The following FANCL variants were observed in gnomAD, a reference collection of about 807,000 sequenced individuals.
The protein encoded by FANCL is E3 ubiquitin-protein ligase FANCL.
A neutral mutation model predicts 59.4 loss-of-function variants in FANCL; 69 were observed. The observed-to-expected ratio is 1.16, with a 90% confidence interval of 0.96 to 1.42. The LOEUF (loss-of-function observed/expected upper bound fraction) is 1.42. Among genes scored for constraint, FANCL ranks in the 40% most tolerant of loss-of-function variants. FANCL has a pLI of 0.00. For synonymous variants in FANCL, 180 were observed against 147.1 expected (o/e 1.22, Z -1.62); for missense variants, 519 against 447.2 (o/e 1.16, Z -1.45).
intron 1 of FANCL, among the ~76,000 whole-genome samples, chr2:58,238,819 T>A (rs893236815): frequency 3.9e-5 from 6 of 152,164 alleles, no homozygotes; most frequent in African/African-American, 1.4e-4. Context: ...ATATAGCTTC[T>A]AAAAATGGTG....
At chr2:58,179,637 A>C (rs151009591) in intron 7 of FANCL, among the ~76,000 whole-genome samples, 2,179 of 152,344 alleles carry the variant, frequency 0.014, 22 homozygotes, top group Non-Finnish European at 0.021. Context: ...AAACCCTAGA[A>C]GAAAACCTAG....
chr2:58,214,771 C>G lies in FANCL; in HGVS notation c.374+7171G>C, dbSNP rs780185177. 3.3e-5 allele frequency among the ~76,000 whole-genome samples: 5 copies of G among 152,226 alleles called. 1 individual carries two copies. Among genetic ancestry groups the G allele is most frequent in the African/African-American group, 1.2e-4 (5 of 41,548 alleles). On this transcript the variant is annotated intron_variant, in intron 5 of 13. Transcript: ENST00000233741. ...AAGTGATCTGCCCCACCTCAGCCCC[C>G]CAAAGTACTGGGATTACAGGTGTGA...
At chr2:58,223,959 A>C (rs770485181) in intron 4 of FANCL, among the ~76,000 whole-genome samples, 1 of 151,934 alleles carries the variant, frequency 6.6e-6, no homozygotes. Context: ...AATAATTCTT[A>C]TATCTTTAGG....
At chr2:58,187,824 CTTTA>C (rs1174309440) in intron 7 of FANCL, among the ~76,000 whole-genome samples, 2 of 152,024 alleles carry the variant, frequency 1.3e-5, no homozygotes, top group African/African-American at 4.8e-5. Flanking sequence ...TTTGAGAGTT[CTTTA>C]TATATTTTAA....
intron 4 of FANCL, among the ~76,000 whole-genome samples, chr2:58,225,697 C>T (rs1186267405): frequency 2.0e-5 from 3 of 151,886 alleles, no homozygotes; most frequent in Admixed American, 2.0e-4. Flanking sequence ...GATCTAACTG[C>T]CAGATTACAA....
intron 11 of FANCL, 110 bp downstream of exon 11, chr2:58,162,756 A>G (rs185440106): frequency 4.0e-5 from 38 of 947,424 alleles, no homozygotes; most frequent in Non-Finnish European, 5.9e-5. Context: ...AGTCTGTGTT[A>G]TAATATTTTT....
At chr2:58,170,858 A>C (rs574560056) in intron 7 of FANCL, among the ~76,000 whole-genome samples, 10 of 152,304 alleles carry the variant, frequency 6.6e-5, no homozygotes, top group African/African-American at 2.4e-4. Context: ...ATACAGAAGC[A>C]ACCAGATTCA....
At chr2:58,172,902 G>T (rs535855955) in intron 7 of FANCL, among the ~76,000 whole-genome samples, 1 of 152,130 alleles carries the variant, frequency 6.6e-6, no homozygotes, top group Non-Finnish European at 1.5e-5. Flanking sequence ...AAATTTAGAC[G>T]AATGCATAAC....
At chr2:58,173,222 T>C (rs577766967) in intron 7 of FANCL, among the ~76,000 whole-genome samples, 1 of 152,304 alleles carries the variant, frequency 6.6e-6, no homozygotes, top group Admixed American at 6.5e-5. Context: ...TGCAGGATAT[T>C]ATCCAGGAGA....
intron 1 of FANCL, among the ~76,000 whole-genome samples, chr2:58,233,673 T>G (rs943645474): frequency 2.0e-5 from 3 of 152,004 alleles, no homozygotes; most frequent in Non-Finnish European, 4.4e-5. Flanking sequence ...GCAACTCTTT[T>G]TAGAGTGCTA....
intron 7 of FANCL, among the ~76,000 whole-genome samples, chr2:58,177,624 A>C (rs2104929177): frequency 1.0e-5 from 1 of 96,644 alleles, no homozygotes; most frequent in South Asian, 4.4e-4. Flanking sequence ...CACTCTGGGG[A>C]CTGTTGTGGG....
intron 13 of FANCL, 54 bp from the exon 14 acceptor site, chr2:58,159,854 A>G: frequency 6.2e-7 from 1 of 1,605,766 alleles, no homozygotes; most frequent in East Asian, 2.2e-5. Flanking sequence ...AAAAAATAAA[A>G]TTGCTTTGTA....
chr2:58,204,279 G>A, intron 5 of FANCL, 53 bp from the exon 6 acceptor site: 2 of 1,261,246 alleles, frequency 1.6e-6, no homozygotes, highest in South Asian at 2.4e-5. Context: ...GCTGGAGAGG[G>A]GAACTGGAGA....
intron 2 of FANCL, among the ~76,000 whole-genome samples, chr2:58,231,366 A>G (rs1693563043): frequency 1.3e-5 from 2 of 152,178 alleles, no homozygotes; most frequent in South Asian, 4.1e-4. Flanking sequence ...GGTATTTCAC[A>G]CCAAATATGC....
In FANCL at chr2:58,238,517, C is replaced by T. The variant is rs144264463; in HGVS notation, c.96+2701G>A. Among the ~76,000 whole-genome samples, 775 of 152,070 alleles carry T rather than the reference C, an allele frequency of 5.1e-3. 9 individuals carry two copies. Among genetic ancestry groups the T allele is most frequent in the African/African-American group, 0.017 (722 of 41,470 alleles). ...AGGGATTATTGTAAATAACTTTAAG[C>T]CAATAAAATCAGAAACCTAGATGAA... On this transcript the variant is annotated intron_variant, in intron 1 of 13. Transcript: ENST00000233741.
chr2:58,170,651 C>T (rs1264204721), intron 7 of FANCL, among the ~76,000 whole-genome samples: 1 of 141,778 alleles, frequency 7.1e-6, no homozygotes, highest in East Asian at 2.1e-4. Context: ...CACACAGGCT[C>T]GAAATAAAGG....
chr2:58,186,300 A>C (rs112644562), intron 7 of FANCL, among the ~76,000 whole-genome samples: 2 of 152,266 alleles, frequency 1.3e-5, no homozygotes, highest in East Asian at 1.9e-4. Context: ...TTTCTGGGCC[A>C]TAAGTATGAT....
chr2:58,174,371 C>T (rs1453739554), intron 7 of FANCL, among the ~76,000 whole-genome samples: 2 of 152,038 alleles, frequency 1.3e-5, no homozygotes, highest in East Asian at 1.9e-4. Context: ...GTTCCAAAAT[C>T]GACCACATAG....
rs771677521 is a variant in FANCL at position 58,161,533 on chromosome 2, A to G, written c.1009T>C (p.Cys337Arg). The part of the protein sequence containing the change: ...SQCGQPFHQI[C>R]LYEWLRGLLT... ...TTTTTATTTTTTACCTCATATAAGCATATTTGATGGAAAGGTTGTCCACAC... is the reference window on the plus strand; with the variant it reads ...TTTTTATTTTTTACCTCATATAAGCGTATTTGATGGAAAGGTTGTCCACAC... Residue 337 changes from cysteine (C) to arginine (R), a missense_variant, in exon 12 of 14, where the codon TGC (cysteine) becomes CGC (arginine). Cys to Arg is a radical substitution (Grantham distance 180). Transcript: ENST00000233741. 1.3e-6 allele frequency: 2 copies of G among 1,593,314 alleles called. No homozygotes were observed. Among genetic ancestry groups the G allele is most frequent in the Non-Finnish European group, 8.6e-7 (1 of 1,161,492 alleles).
Sources: allele counts gnomAD v4.1 joint callset (sites outside exome capture counted in the v4.1 genomes callset), GRCh38; gene constraint gnomAD v4.1.1; transcripts MANE v1.5; gene names NCBI Gene and HGNC (gene_info 2026-07-23, HGNC 2026-07-21).